The following KATNBL1 variants were observed in gnomAD, a reference collection of about 807,000 sequenced individuals.
KATNBL1 encodes KATNB1-like protein 1.
KATNBL1 carries 28 observed loss-of-function variants against 44.7 expected under a neutral mutation model. That is an observed-to-expected ratio of 0.63 (90% CI 0.46 to 0.86). The LOEUF (loss-of-function observed/expected upper bound fraction) is 0.86, where lower values mean the gene tolerates loss of function less well. Among genes scored for constraint, KATNBL1 ranks in the 40% least tolerant of loss-of-function variants. KATNBL1 has a pLI of 0.00. For missense variants in KATNBL1, 272 were observed against 350.7 expected (o/e 0.78, Z 1.79); for synonymous variants, 78 against 114.9 (o/e 0.68, Z 2.06).
intron 1 of KATNBL1, among the ~76,000 whole-genome samples, chr15:34,179,536 G>C (rs1402315411): frequency 6.6e-6 from 1 of 152,006 alleles, no homozygotes; most frequent in East Asian, 1.9e-4. Context: ...AGTCTCATAG[G>C]TTGCCCAGGC....
At chr15:34,175,440 A>C (rs957757268) in intron 1 of KATNBL1, among the ~76,000 whole-genome samples, 1 of 152,136 alleles carries the variant, frequency 6.6e-6, no homozygotes, top group African/African-American at 2.4e-5. Flanking sequence ...GTTTTTAAAG[A>C]ATCTATAAAA....
chr15:34,198,449 A>G (rs1288119557), intron 1 of KATNBL1: 2 of 152,256 alleles, frequency 1.3e-5, no homozygotes, highest in Admixed American at 1.3e-4. Flanking sequence ...TTGGAGTTAA[A>G]CTATGAAACA....
At position 34,147,884 on chromosome 15, in the gene KATNBL1, A is replaced by T. The variant is rs181478476; in HGVS notation, c.558-454T>A. Among the ~76,000 whole-genome samples, 841 of 152,002 alleles carry T rather than the reference A, an allele frequency of 5.5e-3. 7 individuals carry two copies. Among genetic ancestry groups the T allele is most frequent in the African/African-American group, 0.019 (792 of 41,468 alleles). ...TTTTATTTTTAGTAATTTTTTTTTT[A>T]AGAAACGGGTCTCATTCGGTTGCCC... On this transcript the variant is annotated intron_variant, in intron 5 of 9. Transcript: ENST00000256544.
At chr15:34,175,453 A>AT (rs1889300917) in intron 1 of KATNBL1, among the ~76,000 whole-genome samples, 2 of 152,240 alleles carry the variant, frequency 1.3e-5, no homozygotes, top group African/African-American at 4.8e-5. Context: ...CTATAAAATC[A>AT]TTTTTTTCTC....
intron 1 of KATNBL1, among the ~76,000 whole-genome samples, chr15:34,203,943 T>A (rs1381137026): frequency 1.3e-5 from 2 of 149,316 alleles, no homozygotes; most frequent in East Asian, 3.9e-4. Flanking sequence ...GACGGGTTAA[T>A]GGGTACAGCA....
At chr15:34,157,743 T>C (rs1862436414) in intron 2 of KATNBL1, among the ~76,000 whole-genome samples, 1 of 152,140 alleles carries the variant, frequency 6.6e-6, no homozygotes, top group Admixed American at 6.6e-5. Flanking sequence ...CTTAAGTGGC[T>C]TTTTAGAGTT....
Position 34,188,385 on chromosome 15 carries a change from G to A in KATNBL1, c.-15+21566C>T, listed in dbSNP as rs369687607. 1.2e-3 allele frequency among the ~76,000 whole-genome samples: 177 copies of A among 151,796 alleles called. 6 individuals carry two copies. The South Asian group carries it at 0.035, about 30-fold the overall frequency. On this transcript the variant is annotated intron_variant, in intron 1 of 9. Transcript: ENST00000256544. ...AGCCTGGCCAACATGATGAAAACCC[G>A]TCTGTACTAAAAATACAAAAATTAG...
At chr15:34,160,246 G>C (rs530594554) in intron 2 of KATNBL1, among the ~76,000 whole-genome samples, 2 of 152,164 alleles carry the variant, frequency 1.3e-5, no homozygotes, top group Admixed American at 6.5e-5. Context: ...GAGAGCGGGG[G>C]TCTAGCTTCC....
At chr15:34,191,516 T>A (rs1889872007) in intron 1 of KATNBL1, among the ~76,000 whole-genome samples, 1 of 152,154 alleles carries the variant, frequency 6.6e-6, no homozygotes, top group South Asian at 2.1e-4. Context: ...CCAACTGTTT[T>A]TACAGTGATT....
At position 34,141,816 on chromosome 15, in the gene KATNBL1, G is replaced by T. The variant is rs752518520; in HGVS notation, c.*523C>A. 1 of 151,756 alleles carries T rather than the reference G, an allele frequency of 6.6e-6. No individual in the cohort carries two copies. Among genetic ancestry groups the T allele is most frequent in the Non-Finnish European group, 1.5e-5 (1 of 67,754 alleles). 9.4% of individuals were successfully genotyped at this position (151,756 alleles called of 1,614,324 possible). ...CATTTTACATACACAGTATCTCAGT[G>T]TGAACAAAAAATGTTTAATATTGAT... On this transcript the variant is annotated 3_prime_UTR_variant, in exon 10 of 10. Coordinates refer to ENST00000256544, the MANE Select transcript of KATNBL1 (RefSeq NM_024713.3).
At chr15:34,186,210 G>T (rs962207806) in intron 1 of KATNBL1, among the ~76,000 whole-genome samples, 2 of 152,220 alleles carry the variant, frequency 1.3e-5, no homozygotes, top group African/African-American at 2.4e-5. Flanking sequence ...ACTGATGACA[G>T]TGGCTGCCAC....
At chr15:34,194,527 G>A (rs1889979920) in intron 1 of KATNBL1, among the ~76,000 whole-genome samples, 1 of 152,212 alleles carries the variant, frequency 6.6e-6, no homozygotes, top group Non-Finnish European at 1.5e-5. Context: ...GGAGGCTGAG[G>A]TGGGAGGACA....
At chr15:34,161,380 C>A (rs1175161181) in intron 2 of KATNBL1, among the ~76,000 whole-genome samples, 1 of 152,200 alleles carries the variant, frequency 6.6e-6, no homozygotes, top group Non-Finnish European at 1.5e-5. Flanking sequence ...CGTGCCTCCT[C>A]ATGGGAGAGG....
At chr15:34,189,999 C>G (rs1018557935) in intron 1 of KATNBL1, among the ~76,000 whole-genome samples, 8 of 150,628 alleles carry the variant, frequency 5.3e-5, no homozygotes, top group African/African-American at 1.7e-4. Flanking sequence ...GGCTGGAGTG[C>G]AGTGGCACGA....
intron 1 of KATNBL1, chr15:34,208,547 T>C (rs1441652520): frequency 3.3e-5 from 5 of 152,212 alleles, no homozygotes; most frequent in Non-Finnish European, 7.3e-5. Context: ...AACATGTAAT[T>C]TTTTATTTTA....
At chr15:34,166,641 G>T (rs1348141159) in intron 1 of KATNBL1, among the ~76,000 whole-genome samples, 3 of 152,334 alleles carry the variant, frequency 2.0e-5, no homozygotes, top group East Asian at 1.9e-4. Context: ...TCCTCAAGTG[G>T]GTCCTTGACC....
At chr15:34,155,822 TATTA>T (rs1235913436) in intron 2 of KATNBL1, among the ~76,000 whole-genome samples, 1 of 152,226 alleles carries the variant, frequency 6.6e-6, no homozygotes, top group Non-Finnish European at 1.5e-5. Context: ...TCTACGTTTT[TATTA>T]ATTGTCACCC....
At position 34,182,073 on chromosome 15, in the gene KATNBL1, C is replaced by T. The variant is rs181711342; in HGVS notation, c.-14-18383G>A. Among the ~76,000 whole-genome samples the T allele has an allele frequency of 3.9e-3, 598 of 151,620 alleles. 8 individuals are homozygous for T. The highest frequency in any genetic ancestry group is 0.014 in the African/African-American group (577 of 41,380). ...GCATAAAAAGATTAAATAATTTGCCCGAGATTAAACAACGAAAACAAGTAA... is the reference window on the plus strand; with the variant it reads ...GCATAAAAAGATTAAATAATTTGCCTGAGATTAAACAACGAAAACAAGTAA... On this transcript the variant is annotated intron_variant, in intron 1 of 9. Coordinates refer to ENST00000256544, the MANE Select transcript of KATNBL1 (RefSeq NM_024713.3).
At chr15:34,168,875 G>GT (rs1455323066) in intron 1 of KATNBL1, among the ~76,000 whole-genome samples, 1 of 152,130 alleles carries the variant, frequency 6.6e-6, no homozygotes, top group Admixed American at 6.5e-5. Context: ...AAATAAAGAT[G>GT]TTTTTTGAAA....
Sources: allele counts gnomAD v4.1 joint callset (sites outside exome capture counted in the v4.1 genomes callset), GRCh38; gene constraint gnomAD v4.1.1; transcripts MANE v1.5; gene names NCBI Gene and HGNC (gene_info 2026-07-23, HGNC 2026-07-21).